OR2L13: variants seen among roughly 807,000 people sequenced by gnomAD.
OR2L13 encodes olfactory receptor family 2 subfamily L member 13, also known as olfactory receptor 2L13.
OR2L13 carries 14 observed loss-of-function variants against 15.3 expected under a neutral mutation model. The ratio of observed to expected loss-of-function variants is 0.91; its 90% CI spans 0.60 to 1.43. The LOEUF (loss-of-function observed/expected upper bound fraction) is 1.43. Ranked by LOEUF, OR2L13 falls within the 40% of genes most tolerant of loss-of-function variation. OR2L13 has a pLI of 0.00. For missense variants in OR2L13, 367 were observed against 387.9 expected (o/e 0.95, Z 0.45); for synonymous variants, 152 against 142.9 (o/e 1.06, Z -0.45).
At chr1:248,090,646 G>A (rs115645569), upstream of OR2L13, among the ~76,000 whole-genome samples, 6,693 of 152,206 alleles carry the variant, frequency 0.044, 487 homozygotes, top group African/African-American at 0.15. Context: ...ATAGTATTTC[G>A]TGGTGTATAT....
At chr1:247,961,750 T>A in the OR2L13 span, among the ~76,000 whole-genome samples, 1 of 152,218 alleles carries the variant, frequency 6.6e-6, no homozygotes. Context: ...TTGGGGTGTC[T>A]TTCCAGACGG....
chr1:248,084,367 G>C, the OR2L13 span: 1 of 1,613,212 alleles, frequency 6.2e-7, no homozygotes, highest in Non-Finnish European at 8.5e-7. Context: ...GCCATTTTGG[G>C]CACAGTGGTG....
At chr1:247,953,807 A>C in the OR2L13 span, among the ~76,000 whole-genome samples, 3 of 152,146 alleles carry the variant, frequency 2.0e-5, no homozygotes, top group African/African-American at 7.2e-5. Flanking sequence ...CAGCCTGGGA[A>C]TTGGGGGAAT....
At chr1:247,962,746 A>C in the OR2L13 span, among the ~76,000 whole-genome samples, 1 of 152,196 alleles carries the variant, frequency 6.6e-6, no homozygotes, top group African/African-American at 2.4e-5. Context: ...ACTTTCTACA[A>C]ATCGCCAAAT....
the OR2L13 span, among the ~76,000 whole-genome samples, chr1:247,982,837 T>C: frequency 6.6e-6 from 1 of 152,100 alleles, no homozygotes; most frequent in Non-Finnish European, 1.5e-5. Context: ...AAATTTTTAT[T>C]ATTTCACAGT....
chr1:248,020,030 G>A, the OR2L13 span, among the ~76,000 whole-genome samples: 1 of 152,136 alleles, frequency 6.6e-6, no homozygotes, highest in East Asian at 1.9e-4. Context: ...CAGTCTGCCT[G>A]CCTCAGGCTC....
the OR2L13 span, among the ~76,000 whole-genome samples, chr1:248,035,782 T>C: frequency 6.6e-6 from 1 of 152,030 alleles, no homozygotes; most frequent in African/African-American, 2.4e-5. Context: ...TCCCCCAACA[T>C]CACTACCCCC....
At chr1:248,056,088 T>G in the OR2L13 span, among the ~76,000 whole-genome samples, 1 of 152,224 alleles carries the variant, frequency 6.6e-6, no homozygotes, top group Non-Finnish European at 1.5e-5. Flanking sequence ...CTGTTGGTTG[T>G]TTGTGTTCCT....
At chr1:248,083,568 G>T in the OR2L13 span, 1 of 1,060,582 alleles carries the variant, frequency 9.4e-7, no homozygotes, top group South Asian at 1.5e-5. Flanking sequence ...AACTACTAAA[G>T]GGAGAGAATT....
the OR2L13 span, among the ~76,000 whole-genome samples, chr1:248,011,278 C>A: frequency 6.6e-6 from 1 of 152,092 alleles, no homozygotes; most frequent in Non-Finnish European, 1.5e-5. Context: ...ATATTGGCTC[C>A]CATTCTCTTC....
chr1:248,076,531 G>A, the OR2L13 span, among the ~76,000 whole-genome samples: 2 of 152,140 alleles, frequency 1.3e-5, no homozygotes, highest in Admixed American at 6.5e-5. Context: ...TTGAGCAGTG[G>A]TTTGTAGTTC....
chr1:248,026,807 T>C, the OR2L13 span, among the ~76,000 whole-genome samples: 13 of 152,202 alleles, frequency 8.5e-5, no homozygotes, highest in African/African-American at 2.9e-4. Flanking sequence ...ATGCCTGTCT[T>C]TACTTTAATC....
the OR2L13 span, chr1:248,042,364 G>A: frequency 8.6e-6 from 1 of 115,848 alleles, no homozygotes; most frequent in East Asian, 3.1e-4. Flanking sequence ...GTGGGGTGGG[G>A]GGAGGGGGGA....
the OR2L13 span, among the ~76,000 whole-genome samples, chr1:247,967,573 T>C: frequency 8.5e-5 from 13 of 152,354 alleles, no homozygotes; most frequent in African/African-American, 2.4e-4. Flanking sequence ...ATTATTGTTA[T>C]TGATACTATT....
chr1:247,945,545 T>C, the OR2L13 span, among the ~76,000 whole-genome samples: 1 of 152,176 alleles, frequency 6.6e-6, no homozygotes, highest in Admixed American at 6.5e-5. Context: ...GTTCAAGTCC[T>C]GAATATCTTT....
the OR2L13 span, among the ~76,000 whole-genome samples, chr1:248,071,223 C>T: frequency 2.0e-5 from 3 of 152,172 alleles, no homozygotes; most frequent in East Asian, 5.8e-4. Context: ...TGCAAAAATC[C>T]TCAATAAAAT....
the OR2L13 span, among the ~76,000 whole-genome samples, chr1:247,946,874 A>G: frequency 6.6e-6 from 1 of 152,192 alleles, no homozygotes; most frequent in Admixed American, 6.6e-5. Flanking sequence ...AAACTATTGC[A>G]TTTGAACATG....
the OR2L13 span, chr1:247,975,311 C>T: frequency 2.0e-6 from 1 of 491,390 alleles, no homozygotes; most frequent in Non-Finnish European, 4.0e-6. Flanking sequence ...TATGAGTGCA[C>T]AGTGTTTTTG....
the OR2L13 span, among the ~76,000 whole-genome samples, chr1:248,074,725 G>C: frequency 6.6e-6 from 1 of 151,982 alleles, no homozygotes; most frequent in African/African-American, 2.4e-5. Context: ...CCTATTGGGT[G>C]GTATGCTCAC....
Sources: gnomAD v4.1 joint callset for allele counts (sites outside exome capture counted in the v4.1 genomes callset) on GRCh38, gnomAD v4.1.1 for gene constraint, MANE v1.5 for transcripts, NCBI Gene and HGNC (gene_info 2026-07-23, HGNC 2026-07-21) for gene names.